Variants in MAF observed in about 807,000 individuals in gnomAD.
MAF encodes transcription factor Maf.
A neutral mutation model predicts 22.0 loss-of-function variants in MAF; 10 were observed. That is an observed-to-expected ratio of 0.45 (90% confidence interval 0.28 to 0.77). The LOEUF is 0.77. Ranked by LOEUF, MAF falls within the 30% of genes least tolerant of loss-of-function variation. MAF has a pLI of 0.12. For missense variants in MAF, 544 were observed against 548.4 expected, an observed-to-expected ratio of 0.99 and a Z score of 0.08; for synonymous variants, 337 against 255.8, an observed-to-expected ratio of 1.32 and a Z score of -3.03.
the MAF span, among the ~76,000 whole-genome samples, chr16:79,414,792 C>G: frequency 4.8e-4 from 73 of 152,320 alleles, no homozygotes; most frequent in African/African-American, 1.4e-3. Context: ...TAACAAACAA[C>G]TTCCAAATAT....
chr16:79,360,414 A>G, the MAF span, among the ~76,000 whole-genome samples: 1 of 152,132 alleles, frequency 6.6e-6, no homozygotes, highest in African/African-American at 2.4e-5. Flanking sequence ...CAGACCTGAG[A>G]TTAAATCCCA....
the MAF span, among the ~76,000 whole-genome samples, chr16:79,314,750 G>C: frequency 2.6e-5 from 4 of 152,244 alleles, no homozygotes; most frequent in African/African-American, 7.2e-5. Flanking sequence ...ATGAGAGGAG[G>C]CTCGGAGGCC....
the MAF span, among the ~76,000 whole-genome samples, chr16:79,470,019 C>T: frequency 2.0e-5 from 3 of 152,242 alleles, no homozygotes; most frequent in African/African-American, 4.8e-5. Flanking sequence ...ATCTCTACCT[C>T]GCTCAGAAAC....
At chr16:79,588,299 G>A (rs1303710145) in intron 1 of MAF, among the ~76,000 whole-genome samples, 1 of 152,170 alleles carries the variant, frequency 6.6e-6, no homozygotes, top group African/African-American at 2.4e-5. Flanking sequence ...TTTTACGTGG[G>A]AAGATTGCCC....
the MAF span, among the ~76,000 whole-genome samples, chr16:79,406,530 C>T: frequency 2.0e-5 from 3 of 152,114 alleles, no homozygotes; most frequent in South Asian, 2.1e-4. Flanking sequence ...GTGGAAGGAG[C>T]GACCTCCCCA....
chr16:79,364,136 C>A, the MAF span, among the ~76,000 whole-genome samples: 499 of 152,294 alleles, frequency 3.3e-3, 5 homozygotes, highest in African/African-American at 0.01. Flanking sequence ...TAGTGTCCTA[C>A]ATGCCCTAAT....
chr16:79,416,496 T>C, the MAF span, among the ~76,000 whole-genome samples: 1 of 91,870 alleles, frequency 1.1e-5, no homozygotes, highest in South Asian at 5.5e-4. Flanking sequence ...TATGGTTAAA[T>C]TGCAAAAAAA....
Position 79,599,469 on chromosome 16 carries a change from C to A in MAF, c.434G>T (p.Gly145Val). Residue 145 changes from glycine to valine, a missense_variant, in exon 1 of 2, where the codon GGT becomes GTT. By Grantham distance (109) the Gly-to-Val change is moderately radical. This residue lies in a region of MAF where 342 missense variants were observed against 315.5 expected (regional missense o/e 1.08). Transcript: ENST00000326043. Reference protein sequence around the residue: ...AQQLAAAAGAGAGASLGGSGE... With the variant: ...AQQLAAAAGAVAGASLGGSGE... ...GCTGCCGCCCAAGGAGGCGCCGGCA[C>A]CGGCCCCGGCCGCCGCGGCCAGCTG... is the stretch of plus-strand genomic sequence containing the variant. 1 of 1,364,404 alleles carries A rather than the reference C, an allele frequency of 7.3e-7. No individual in the cohort carries two copies. The highest frequency in any genetic ancestry group is 3.0e-5 in the East Asian group (1 of 33,186). 84.5% of individuals were successfully genotyped at this position (1,364,404 alleles called of 1,614,324 possible).
the MAF span, among the ~76,000 whole-genome samples, chr16:79,390,121 G>T: frequency 1.3e-5 from 2 of 151,878 alleles, no homozygotes; most frequent in African/African-American, 4.8e-5. Flanking sequence ...GATGGCATGT[G>T]CAAGTGTATT....
chr16:79,233,006 A>G, the MAF span, among the ~76,000 whole-genome samples: 4 of 151,440 alleles, frequency 2.6e-5, no homozygotes, highest in African/African-American at 9.7e-5. Flanking sequence ...ATGCACGGCT[A>G]ATGTTTTGTA....
the MAF span, among the ~76,000 whole-genome samples, chr16:79,244,211 G>T: frequency 1.3e-5 from 2 of 151,976 alleles, no homozygotes; most frequent in Non-Finnish European, 2.9e-5. Flanking sequence ...GGAAGTTCTG[G>T]CCAGGACAAT....
At chr16:79,396,438 G>A in the MAF span, among the ~76,000 whole-genome samples, 5 of 152,302 alleles carry the variant, frequency 3.3e-5, no homozygotes, top group East Asian at 1.9e-4. Context: ...GAAAAAGCTC[G>A]ATTCAATTTT....
chr16:79,457,396 T>TC, the MAF span, among the ~76,000 whole-genome samples: 3 of 151,470 alleles, frequency 2.0e-5, no homozygotes, highest in African/African-American at 7.3e-5. Context: ...TTGGTTTTTT[T>TC]TTTTTTTTTG....
chr16:79,379,281 G>A, the MAF span, among the ~76,000 whole-genome samples: 8 of 152,198 alleles, frequency 5.3e-5, no homozygotes, highest in Non-Finnish European at 8.8e-5. Flanking sequence ...TGATCTGTTA[G>A]TAATGCCTGC....
the MAF span, among the ~76,000 whole-genome samples, chr16:79,569,314 G>C: frequency 2.6e-5 from 4 of 152,194 alleles, no homozygotes; most frequent in East Asian, 1.9e-4. Flanking sequence ...AATGCCTTCA[G>C]ACATTGCCAA....
chr16:79,422,119 C>G, the MAF span, among the ~76,000 whole-genome samples: 1 of 152,146 alleles, frequency 6.6e-6, no homozygotes, highest in Non-Finnish European at 1.5e-5. Flanking sequence ...AAAGTAGAAT[C>G]ACTGTTTATT....
At chr16:79,588,817 A>C (rs1030051658) in intron 1 of MAF, among the ~76,000 whole-genome samples, 1 of 152,174 alleles carries the variant, frequency 6.6e-6, no homozygotes, top group Non-Finnish European at 1.5e-5. Context: ...GTCCCAGGAA[A>C]AAATAAATGA....
At chr16:79,597,750 AG>A (rs1913636972) in intron 1 of MAF, 4 of 1,012,340 alleles carry the variant, frequency 4.0e-6, no homozygotes, top group African/African-American at 3.5e-5. Context: ...CCAAGCCAAA[AG>A]GAAAAAAAAA....
chr16:79,411,624 G>A, the MAF span, among the ~76,000 whole-genome samples: 80 of 152,168 alleles, frequency 5.3e-4, no homozygotes, highest in Non-Finnish European at 8.1e-4. Flanking sequence ...TCAATTACAA[G>A]TCATTACAAG....
Sources: gnomAD v4.1 joint callset for allele counts (sites outside exome capture counted in the v4.1 genomes callset) on GRCh38, gnomAD v4.1.1 for gene constraint, gnomAD v4.1.1 regional missense constraint, MANE v1.5 for transcripts, NCBI Gene and HGNC (gene_info 2026-07-23, HGNC 2026-07-21) for gene names.